FAXC: variants seen among roughly 807,000 people sequenced by gnomAD.
The protein encoded by FAXC is failed axon connections homolog.
In FAXC, 10 loss-of-function variants were observed where a neutral mutation model predicts 41.9. The ratio of observed to expected loss-of-function variants is 0.24; its 90% CI spans 0.15 to 0.41. FAXC has a LOEUF of 0.41. FAXC is among the 10% of genes least tolerant of loss of function. FAXC has a pLI of 1.00. For synonymous variants in FAXC, 183 were observed against 183.8 expected (o/e 1.00, Z 0.03); for missense variants, 399 against 510.9 (o/e 0.78, Z 2.11).
At chr6:99,303,738 C>T (rs770215554) in intron 4 of FAXC, among the ~76,000 whole-genome samples, 38 of 152,200 alleles carry the variant, frequency 2.5e-4, no homozygotes, top group Non-Finnish European at 8.8e-5. Flanking sequence ...CAAGACTTGT[C>T]ATGGCTTGCC....
At chr6:99,320,954 T>C (rs1772567321) in intron 4 of FAXC, among the ~76,000 whole-genome samples, 1 of 152,220 alleles carries the variant, frequency 6.6e-6, no homozygotes, top group Admixed American at 6.5e-5. Context: ...CGCAAACTTC[T>C]GTGAAGAGTC....
intron 2 of FAXC, among the ~76,000 whole-genome samples, chr6:99,338,148 A>G (rs540519487): frequency 2.0e-5 from 3 of 152,274 alleles, no homozygotes; most frequent in African/African-American, 7.2e-5. Context: ...TTTACCTAAA[A>G]TCTGTCACAC....
intron 5 of FAXC, among the ~76,000 whole-genome samples, chr6:99,285,080 CAT>C (rs1440697936): frequency 6.6e-6 from 1 of 151,178 alleles, no homozygotes; most frequent in Non-Finnish European, 1.5e-5. Context: ...GAGGGTCAGG[CAT>C]TGTACTACAT....
intron 1 of FAXC, among the ~76,000 whole-genome samples, chr6:99,343,260 T>TATTACCA (rs3830804): frequency 0.11 from 17,463 of 152,066 alleles, 1,526 homozygotes; most frequent in East Asian, 0.28. Flanking sequence ...ACTCCCATGA[T>TATTACCA]ATTACCATGA....
chr6:99,304,560 C>A (rs1275180349), intron 4 of FAXC, among the ~76,000 whole-genome samples: 5 of 152,196 alleles, frequency 3.3e-5, no homozygotes, highest in African/African-American at 1.2e-4. Flanking sequence ...CTTTTTCTAA[C>A]AGGCTTCTGA....
intron 4 of FAXC, among the ~76,000 whole-genome samples, chr6:99,302,421 C>T (rs1771748017): frequency 6.6e-6 from 1 of 152,178 alleles, no homozygotes; most frequent in Non-Finnish European, 1.5e-5. Context: ...TTTGGGAGGC[C>T]GAGATGGGCA....
At chr6:99,315,957 A>C (rs1372620096) in intron 4 of FAXC, among the ~76,000 whole-genome samples, 1 of 152,198 alleles carries the variant, frequency 6.6e-6, no homozygotes, top group Non-Finnish European at 1.5e-5. Context: ...TTTTCCCATG[A>C]GATAGCTGCT....
Position 99,294,307 on chromosome 6 carries a change from C to T in FAXC, c.824-2487G>A, listed in dbSNP as rs139303620. Reference sequence around the variant, plus strand: ...TACTCCTGAGGGTGCATCCCGCTGGCGCCATGCCTCCACCGCACCCCTGCT... The same window carrying T: ...TACTCCTGAGGGTGCATCCCGCTGGTGCCATGCCTCCACCGCACCCCTGCT... On this transcript the variant is annotated intron_variant, in intron 4 of 5. Coordinates refer to ENST00000389677, the MANE Select transcript of FAXC (RefSeq NM_032511.4). Among the ~76,000 whole-genome samples the T allele has an allele frequency of 1.0e-3, 157 of 152,314 alleles. 2 individuals are homozygous for T. Among genetic ancestry groups the T allele is most frequent in the African/African-American group, 3.4e-3 (142 of 41,582 alleles).
intron 4 of FAXC, among the ~76,000 whole-genome samples, chr6:99,300,204 G>A (rs2128452839): frequency 6.6e-6 from 1 of 152,290 alleles, no homozygotes; most frequent in East Asian, 1.9e-4. Context: ...TAAGCAAAGG[G>A]TTGTGTATCC....
chr6:99,296,525 G>A (rs559999173), intron 4 of FAXC, among the ~76,000 whole-genome samples: 6 of 152,086 alleles, frequency 3.9e-5, no homozygotes, highest in East Asian at 1.9e-4. Context: ...TCAAAGCCCC[G>A]GGTGTGAAGG....
intron 3 of FAXC, among the ~76,000 whole-genome samples, chr6:99,326,606 T>C (rs1221685763): frequency 6.6e-6 from 1 of 152,048 alleles, no homozygotes; most frequent in Non-Finnish European, 1.5e-5. Context: ...AGCAGGGGCA[T>C]GTTGGTGGTG....
intron 3 of FAXC, among the ~76,000 whole-genome samples, chr6:99,328,270 G>A (rs975900549): frequency 1.5e-4 from 23 of 152,202 alleles, no homozygotes; most frequent in Non-Finnish European, 2.2e-4. Context: ...GTATGTGGAG[G>A]TGGGGCCTTT....
At chr6:99,291,849 G>A (rs765341487) in intron 4 of FAXC, 29 bp from the exon 5 acceptor site, 4 of 1,535,538 alleles carry the variant, frequency 2.6e-6, no homozygotes, top group South Asian at 2.2e-5. Context: ...AGAAGTCAAT[G>A]GGCTGGCCCA....
intron 4 of FAXC, among the ~76,000 whole-genome samples, chr6:99,292,991 G>A (rs1298718543): frequency 6.6e-6 from 1 of 152,148 alleles, no homozygotes; most frequent in Non-Finnish European, 1.5e-5. Context: ...ATTTTTAGTA[G>A]AGACAGGGTT....
Position 99,273,316 on chromosome 6 carries a change from A to G in FAXC, c.*7848T>C, listed in dbSNP as rs141812169. On this transcript the variant is annotated 3_prime_UTR_variant, in exon 6 of 6. Coordinates refer to ENST00000389677, the MANE Select transcript of FAXC (RefSeq NM_032511.4). ...GTCTGCACATCTTCCACACATTTGA[A>G]GACACAAGATTATAAACAAATAGAA... is the stretch of plus-strand genomic sequence containing the variant. 5.6e-4 allele frequency: 85 copies of G among 152,178 alleles called. 2 individuals carry two copies. The highest frequency in any genetic ancestry group is 2.0e-3 in the African/African-American group (84 of 41,510). The allele number at this position is 152,178 out of a possible 1,614,324, so 9.4% of individuals were successfully genotyped here. A position where few individuals can be genotyped will look rare whatever the true frequency, so the allele number is the denominator to read the frequency against.
intron 4 of FAXC, among the ~76,000 whole-genome samples, chr6:99,304,392 G>A (rs181279152): frequency 6.6e-6 from 1 of 151,984 alleles, no homozygotes; most frequent in East Asian, 1.9e-4. Context: ...CTAGAATTCA[G>A]GACCAAGAAA....
chr6:99,321,238 G>C (rs1423040075), intron 4 of FAXC, among the ~76,000 whole-genome samples: 1 of 152,124 alleles, frequency 6.6e-6, no homozygotes, highest in African/African-American at 2.4e-5. Flanking sequence ...TGATTGACCA[G>C]GAACATTGAT....
At position 99,274,683 on chromosome 6, in the gene FAXC, T is replaced by G. The variant is rs1770536203; in HGVS notation, c.*6481A>C. ...TGACAGGAGTAACATTAAAATCATT[T>G]TACAGGAGTAAACATGTCACCCCTA... On this transcript the variant is annotated 3_prime_UTR_variant, in exon 6 of 6. Coordinates refer to ENST00000389677, the MANE Select transcript of FAXC (RefSeq NM_032511.4). The G allele has an allele frequency of 6.6e-6, 1 of 152,232 alleles. No individual in the cohort carries two copies. Among genetic ancestry groups the G allele is most frequent in the Non-Finnish European group, 1.5e-5 (1 of 68,032 alleles). 9.4% of individuals were successfully genotyped at this position (152,232 alleles called of 1,614,324 possible).
chr6:99,320,847 C>G (rs931326354), intron 4 of FAXC, among the ~76,000 whole-genome samples: 4 of 152,116 alleles, frequency 2.6e-5, no homozygotes, highest in African/African-American at 4.8e-5. Context: ...CCTCCCCAGT[C>G]CCCCCTGCTA....
Sources: allele counts gnomAD v4.1 joint callset (sites outside exome capture counted in the v4.1 genomes callset), GRCh38; gene constraint gnomAD v4.1.1; transcripts MANE v1.5; gene names NCBI Gene and HGNC (gene_info 2026-07-23, HGNC 2026-07-21).